The following MAP3K15 variants were observed in gnomAD, a reference collection of about 807,000 sequenced individuals.
MAP3K15 encodes the protein mitogen-activated protein kinase kinase kinase 15.
MAP3K15 carries 124 observed loss-of-function variants against 99.5 expected under a neutral mutation model. The ratio of observed to expected loss-of-function variants is 1.25; its 90% CI spans 1.08 to 1.45. The LOEUF (loss-of-function observed/expected upper bound fraction) is 1.45. Among genes scored for constraint, MAP3K15 ranks in the 40% most tolerant of loss-of-function variants. MAP3K15 has a pLI of 0.00. For synonymous variants in MAP3K15, 494 were observed against 439.6 expected, an observed-to-expected ratio of 1.12 and a Z score of -1.55; for missense variants, 1,242 against 1,079.7, an observed-to-expected ratio of 1.15 and a Z score of -2.11.
At chrX:19,429,241 A>G (rs151039062) in intron 7 of MAP3K15, among the ~76,000 whole-genome samples, 26 of 111,031 alleles carry the variant, frequency 2.3e-4, no homozygotes, top group African/African-American at 6.5e-4. Context: ...AGAATAAGCT[A>G]TAAATCTGTG....
rs780655207 is a variant in MAP3K15 at position 19,454,322 on chromosome X, C to T, written c.995+2591G>A. On this transcript the variant is annotated intron_variant, in intron 6 of 28. Transcript: ENST00000338883. The stretch of plus-strand genomic sequence containing the variant: ...GATTTTCTTCTTCTAGACCATCCAG[C>T]TCACTGGCTGGATCCCTGGTCAGAA... Among the ~76,000 whole-genome samples the T allele has an allele frequency of 7.1e-5, 8 of 112,081 alleles. No homozygotes were observed. In the East Asian group the frequency reaches 8.4e-4, roughly 12 times the overall value.
In MAP3K15 at chrX:19,398,209, G is replaced by T. The variant is rs1602271360; in HGVS notation, c.2066+17C>A. On this transcript the variant is annotated intron_variant, in intron 15 of 28. Coordinates refer to ENST00000338883, the MANE Select transcript of MAP3K15 (RefSeq NM_001001671.4). ...TGGAGACGGCACCCGAAATGCGGAA[G>T]GCCCGCCTGGACTTGCCTGCTATCT... 6 of 1,210,581 alleles carry T rather than the reference G, an allele frequency of 5.0e-6. No homozygotes were observed. In the East Asian group the frequency reaches 1.8e-4, roughly 36 times the overall value.
At chrX:19,435,600 T>G (rs1249294318) in intron 6 of MAP3K15, among the ~76,000 whole-genome samples, 1 of 112,359 alleles carries the variant, frequency 8.9e-6, no homozygotes, top group Admixed American at 9.5e-5. Context: ...ATCAAACATT[T>G]GAAAAAATTA....
chrX:19,467,823 C>T (rs1335329433), intron 3 of MAP3K15, among the ~76,000 whole-genome samples: 5 of 109,310 alleles, frequency 4.6e-5, no homozygotes, highest in African/African-American at 1.7e-4. Flanking sequence ...AGCAAGACTC[C>T]GTCTCAAAAC....
chrX:19,466,337 G>A (rs1032251202), intron 3 of MAP3K15, among the ~76,000 whole-genome samples: 52 of 111,462 alleles, frequency 4.7e-4, no homozygotes, highest in African/African-American at 1.6e-3. Flanking sequence ...TGTAATCCCC[G>A]TAATCCCCAT....
intron 1 of MAP3K15, among the ~76,000 whole-genome samples, chrX:19,493,100 A>AG (rs2064378595): frequency 1.8e-5 from 2 of 111,089 alleles, no homozygotes; most frequent in African/African-American, 6.5e-5. Context: ...AAACAGACAA[A>AG]GGGGAATAGC....
At chrX:19,438,747 C>A (rs2063939867) in intron 6 of MAP3K15, among the ~76,000 whole-genome samples, 1 of 112,384 alleles carries the variant, frequency 8.9e-6, no homozygotes, top group Admixed American at 9.5e-5. Flanking sequence ...CTTTAACACA[C>A]AAAAGGTCTC....
rs767200200 is a variant in MAP3K15 at position 19,426,495 on chromosome X, A to C, written c.1167-152T>G. Among the ~76,000 whole-genome samples, 220 of 111,264 alleles carry C rather than the reference A, an allele frequency of 2.0e-3. 2 individuals carry two copies. Among genetic ancestry groups the C allele is most frequent in the African/African-American group, 7.0e-3 (214 of 30,548 alleles). On this transcript the variant is annotated intron_variant, in intron 7 of 28. Transcript: ENST00000338883. The stretch of plus-strand genomic sequence containing the variant: ...CCCACCACCACCTTTACCAACAGCC[A>C]CATGCAGCTCTCTAGTAACTTTAAA...
intron 19 of MAP3K15, among the ~76,000 whole-genome samples, chrX:19,377,317 G>A (rs772866360): frequency 4.5e-5 from 5 of 112,328 alleles, no homozygotes; most frequent in East Asian, 2.8e-4. Context: ...ACTTTGGGAC[G>A]CGGAGGCAGG....
intron 24 of MAP3K15, among the ~76,000 whole-genome samples, chrX:19,370,042 G>T (rs767438399): frequency 1.8e-5 from 2 of 111,981 alleles, no homozygotes; most frequent in South Asian, 7.4e-4. Context: ...AGCCTCTCCT[G>T]CAGCTGAGCC....
intron 1 of MAP3K15, among the ~76,000 whole-genome samples, chrX:19,493,771 C>A (rs2064383245): frequency 9.0e-6 from 1 of 110,898 alleles, no homozygotes; most frequent in Non-Finnish European, 1.9e-5. Flanking sequence ...AAATGAAGTG[C>A]AAAGAGGTTA....
chrX:19,427,951 A>T (rs1200419427), intron 7 of MAP3K15, among the ~76,000 whole-genome samples: 1 of 110,531 alleles, frequency 9.0e-6, no homozygotes, highest in Non-Finnish European at 1.9e-5. Flanking sequence ...GGAATTTTAA[A>T]TTCTACATCC....
intron 19 of MAP3K15, among the ~76,000 whole-genome samples, chrX:19,375,310 G>A (rs1216405306): frequency 1.8e-5 from 2 of 111,667 alleles, no homozygotes; most frequent in East Asian, 5.7e-4. Context: ...GTCCCCAAGA[G>A]ATGCCTTTAA....
intron 1 of MAP3K15, among the ~76,000 whole-genome samples, chrX:19,502,117 C>T (rs1343100908): frequency 1.8e-5 from 2 of 110,502 alleles, no homozygotes; most frequent in East Asian, 2.8e-4. Flanking sequence ...GAAAGAAAAC[C>T]TCAGCATACA....
At chrX:19,498,712 T>TCATCGTGGGG (rs2064423069) in intron 1 of MAP3K15, among the ~76,000 whole-genome samples, 1 of 112,107 alleles carries the variant, frequency 8.9e-6, no homozygotes, top group African/African-American at 3.2e-5. Flanking sequence ...CTGGGGGCAC[T>TCATCGTGGGG]CATCGTGGGG....
chrX:19,361,087 G>C, intron 28 of MAP3K15: 1 of 419,433 alleles, frequency 2.4e-6, no homozygotes, highest in Non-Finnish European at 4.1e-6. Context: ...GTGCAGGCAC[G>C]CTTGCCATGT....
At chrX:19,507,668 G>A (rs1319019375) in intron 1 of MAP3K15, among the ~76,000 whole-genome samples, 2 of 99,319 alleles carry the variant, frequency 2.0e-5, no homozygotes, top group African/African-American at 7.4e-5. Flanking sequence ...TGAGTATGAT[G>A]TGTCAACATA....
In MAP3K15 at chrX:19,415,069, T is replaced by C. The variant is rs1029928814; in HGVS notation, c.1590+38A>G. On this transcript the variant is annotated intron_variant, in intron 10 of 28. Coordinates refer to ENST00000338883, the MANE Select transcript of MAP3K15 (RefSeq NM_001001671.4). ...AAATAGCACCAATCCCTAGTTTTTT[T>C]CCTAATCTTAAAAAAAAATGGATTT... 1.0e-5 allele frequency: 11 copies of C among 1,094,757 alleles called. No homozygotes were observed. The East Asian group carries it at 3.2e-4, about 32-fold the overall frequency. The allele number at this position is 1,094,757 out of a possible 1,213,427, so 90.2% of individuals were successfully genotyped here. A position where few individuals can be genotyped will look rare whatever the true frequency, so the allele number is the denominator to read the frequency against.
At chrX:19,504,315 G>C (rs112971513) in intron 1 of MAP3K15, among the ~76,000 whole-genome samples, 385 of 111,490 alleles carry the variant, frequency 3.5e-3, no homozygotes, top group Non-Finnish European at 5.6e-3. Flanking sequence ...CAGAGGCAGA[G>C]AGATGGAGGA....
Sources: gnomAD v4.1 joint callset for allele counts (sites outside exome capture counted in the v4.1 genomes callset) on GRCh38, gnomAD v4.1.1 for gene constraint, MANE v1.5 for transcripts, NCBI Gene and HGNC (gene_info 2026-07-23, HGNC 2026-07-21) for gene names.